YIPF4: variants seen among roughly 807,000 people sequenced by gnomAD.
YIPF4 encodes Yip1 domain family member 4, also known as protein YIPF4.
A neutral mutation model predicts 29.4 loss-of-function variants in YIPF4; 18 were observed. That is an observed-to-expected ratio of 0.61 (90% confidence interval 0.42 to 0.91). YIPF4 has a LOEUF of 0.91. Ranked by LOEUF, YIPF4 falls within the 40% of genes least tolerant of loss-of-function variation. YIPF4 has a pLI of 0.00. For synonymous variants in YIPF4, 115 were observed against 104.7 expected, an observed-to-expected ratio of 1.10 and a Z score of -0.60; for missense variants, 279 against 282.7, an observed-to-expected ratio of 0.99 and a Z score of 0.09.
intron 1 of YIPF4, among the ~76,000 whole-genome samples, chr2:32,286,153 C>A (rs1317385445): frequency 6.6e-6 from 1 of 152,108 alleles, no homozygotes; most frequent in Non-Finnish European, 1.5e-5. Context: ...GATTAAATTG[C>A]ATAGAACTAT....
Position 32,305,685 on chromosome 2 carries a change from C to T in YIPF4, c.*59C>T. On this transcript the variant is annotated 3_prime_UTR_variant, in exon 6 of 6. Transcript: ENST00000238831. The stretch of plus-strand genomic sequence containing the variant: ...TAAATTTGTGTGTAGGCTGGGAATT[C>T]TTGCTGAAGGAATTGGAGAAAACCT... 2 of 1,368,426 alleles carry T rather than the reference C, an allele frequency of 1.5e-6. No homozygotes were observed. Among genetic ancestry groups the T allele is most frequent in the South Asian group, 2.2e-5 (1 of 46,290 alleles). The allele number at this position is 1,368,426 out of a possible 1,614,324, so 84.8% of individuals were successfully genotyped here.
chr2:32,282,791 G>A (rs1351757543), intron 1 of YIPF4, among the ~76,000 whole-genome samples: 1 of 151,914 alleles, frequency 6.6e-6, no homozygotes, highest in Non-Finnish European at 1.5e-5. Flanking sequence ...GAATACCCAA[G>A]TGCAGGCCAG....
chr2:32,298,165 A>T, intron 3 of YIPF4, 69 bp from the exon 4 acceptor site: 1 of 1,233,178 alleles, frequency 8.1e-7, no homozygotes, highest in Non-Finnish European at 1.2e-6. Flanking sequence ...ATGGCAGAGA[A>T]TCGAGTTCCT....
In YIPF4 at chr2:32,278,133, G is replaced by A. The variant is rs754340793; in HGVS notation, c.-23G>A. On this transcript the variant is annotated 5_prime_UTR_variant, in exon 1 of 6. Coordinates refer to ENST00000238831, the MANE Select transcript of YIPF4 (RefSeq NM_032312.4). The stretch of plus-strand genomic sequence containing the variant: ...GCCCAGCCGCAGCCTCTTCTACCGC[G>A]GCCGGTTGGGAGTCGCCGCGAGATG... 24 of 1,543,716 alleles carry A rather than the reference G, an allele frequency of 1.6e-5. No homozygotes were observed. In the South Asian group the frequency reaches 2.5e-4, roughly 16 times the overall value.
chr2:32,278,653 A>G (rs1558471425), intron 1 of YIPF4, among the ~76,000 whole-genome samples: 1 of 151,974 alleles, frequency 6.6e-6, no homozygotes, highest in Non-Finnish European at 1.5e-5. Context: ...TCAACAGATA[A>G]TTTTTTGGGG....
chr2:32,316,490 A>C lies in YIPF4; in HGVS notation c.*10864A>C, dbSNP rs1302386608. ...ATATGATATTTCACTGATAGAGACC[A>C]GCATGACTGTCTCAATTGTTAAACT... On this transcript the variant is annotated 3_prime_UTR_variant, in exon 6 of 6. Transcript: ENST00000238831. 2.0e-5 allele frequency: 3 copies of C among 152,232 alleles called. No individual in the cohort carries two copies. Among genetic ancestry groups the C allele is most frequent in the African/African-American group, 7.2e-5 (3 of 41,464 alleles). The allele number at this position is 152,232 out of a possible 1,614,324, so 9.4% of individuals were successfully genotyped here. A position where few individuals can be genotyped will look rare whatever the true frequency, so the allele number is the denominator to read the frequency against.
In YIPF4 at chr2:32,314,594, A is replaced by T. The variant is rs2031784805; in HGVS notation, c.*8968A>T. 6.6e-6 allele frequency: 1 copy of T among 152,026 alleles called. No homozygotes were observed. The highest frequency in any genetic ancestry group is 1.5e-5 in the Non-Finnish European group (1 of 68,026). The allele number at this position is 152,026 out of a possible 1,614,324, so 9.4% of individuals were successfully genotyped here. A position where few individuals can be genotyped will look rare whatever the true frequency, so the allele number is the denominator to read the frequency against. ...AGGCTGAGACAGGAGAATCGCTTGA[A>T]CCTGGGAGGTGGAGAGTGTGGTGAG... On this transcript the variant is annotated 3_prime_UTR_variant, in exon 6 of 6. Coordinates refer to ENST00000238831, the MANE Select transcript of YIPF4 (RefSeq NM_032312.4).
intron 3 of YIPF4, 63 bp downstream of exon 3, chr2:32,292,411 T>G: frequency 2.4e-6 from 3 of 1,225,944 alleles, no homozygotes; most frequent in Non-Finnish European, 2.2e-6. Flanking sequence ...TTAAATATAA[T>G]AAGATATTAA....
intron 4 of YIPF4, among the ~76,000 whole-genome samples, chr2:32,299,182 T>G (rs1300667484): frequency 1.3e-5 from 2 of 152,190 alleles, no homozygotes; most frequent in Non-Finnish European, 2.9e-5. Context: ...CCAGAATTTA[T>G]TCTTACAGAA....
intron 5 of YIPF4, among the ~76,000 whole-genome samples, chr2:32,302,609 A>G (rs2031444328): frequency 6.6e-6 from 1 of 152,198 alleles, no homozygotes; most frequent in African/African-American, 2.4e-5. Context: ...AAGTATTAAT[A>G]AATAGTAGTG....
intron 1 of YIPF4, among the ~76,000 whole-genome samples, chr2:32,280,355 C>A (rs1298183397): frequency 6.7e-6 from 1 of 149,346 alleles, no homozygotes; most frequent in Non-Finnish European, 1.5e-5. Flanking sequence ...TGGTCTTGAT[C>A]TCCTGATCTT....
Position 32,310,885 on chromosome 2 carries a change from A to G in YIPF4, c.*5259A>G, listed in dbSNP as rs1277948873. 2 of 152,182 alleles carry G rather than the reference A, an allele frequency of 1.3e-5. No homozygotes were observed. Among genetic ancestry groups the G allele is most frequent in the Non-Finnish European group, 2.9e-5 (2 of 68,052 alleles). 9.4% of individuals were successfully genotyped at this position (152,182 alleles called of 1,614,324 possible). A position where few individuals can be genotyped will look rare whatever the true frequency, so the allele number is the denominator to read the frequency against. On this transcript the variant is annotated 3_prime_UTR_variant, in exon 6 of 6. Transcript: ENST00000238831. ...AGTGAGACCCTGTCTCAGAAAAGAAAAAAAAAGTAAAAATTGCATGTAAGT... is the reference window on the plus strand; with the variant it reads ...AGTGAGACCCTGTCTCAGAAAAGAAGAAAAAAGTAAAAATTGCATGTAAGT...
In YIPF4 at chr2:32,285,009, C is replaced by T. The variant is rs189371351; in HGVS notation, c.80-5474C>T. ...CATCTTAGAAAGAGTCTCCGGGGTA[C>T]AGTGAAGAGTATGGATTGGAAGGAG... On this transcript the variant is annotated intron_variant, in intron 1 of 5. Transcript: ENST00000238831. Among the ~76,000 whole-genome samples the T allele has an allele frequency of 1.8e-3, 281 of 152,018 alleles. 2 individuals carry two copies. Among genetic ancestry groups the T allele is most frequent in the Non-Finnish European group, 2.9e-3 (195 of 67,998 alleles).
In YIPF4 at chr2:32,306,734, G is replaced by C; in HGVS notation, c.*1108G>C. The C allele has an allele frequency of 3.0e-6, 1 of 329,934 alleles. No homozygotes were observed. Among genetic ancestry groups the C allele is most frequent in the South Asian group, 1.2e-4 (1 of 8,464 alleles). 20.4% of individuals were successfully genotyped at this position (329,934 alleles called of 1,614,324 possible). On this transcript the variant is annotated 3_prime_UTR_variant, in exon 6 of 6. Transcript: ENST00000238831. The stretch of plus-strand genomic sequence containing the variant: ...TCATAGGTTTTTAGATACACCTGTA[G>C]TTAATATTACTTTGTAAAGTAGGTA...
chr2:32,307,991 T>C lies in YIPF4; in HGVS notation c.*2365T>C, dbSNP rs2031633109. On this transcript the variant is annotated 3_prime_UTR_variant, in exon 6 of 6. Coordinates refer to ENST00000238831, the MANE Select transcript of YIPF4 (RefSeq NM_032312.4). ...AGATGTGTGCAAGACACAGTACTGC[T>C]ATGGCTAATAATGGTAAGATGACCC... 1 of 149,110 alleles carries C rather than the reference T, an allele frequency of 6.7e-6. No individual in the cohort carries two copies. Among genetic ancestry groups the C allele is most frequent in the African/African-American group, 2.5e-5 (1 of 40,354 alleles). The allele number at this position is 149,110 out of a possible 1,614,324, so 9.2% of individuals were successfully genotyped here. A position where few individuals can be genotyped will look rare whatever the true frequency, so the allele number is the denominator to read the frequency against.
At chr2:32,289,347 C>G (rs1187820176) in intron 1 of YIPF4, among the ~76,000 whole-genome samples, 1 of 152,108 alleles carries the variant, frequency 6.6e-6, no homozygotes, top group Non-Finnish European at 1.5e-5. Context: ...CATAAGCCGA[C>G]CAGGATGTGA....
In YIPF4 at chr2:32,278,045, G is replaced by T. The variant is rs1254176652; in HGVS notation, c.-111G>T. On this transcript the variant is annotated 5_prime_UTR_variant, in exon 1 of 6. Coordinates refer to ENST00000238831, the MANE Select transcript of YIPF4 (RefSeq NM_032312.4). The stretch of plus-strand genomic sequence containing the variant: ...GCCTCGCTCGCAGCTTGCACGTCGA[G>T]ACTCGTAGGCCGCACCGTAGGGCGA... 3 of 913,662 alleles carry T rather than the reference G, an allele frequency of 3.3e-6. No homozygotes were observed. The highest frequency in any genetic ancestry group is 1.8e-5 in the South Asian group (1 of 55,760). The allele number at this position is 913,662 out of a possible 1,614,324, so 56.6% of individuals were successfully genotyped here.
rs529613149 is a variant in YIPF4 at position 32,315,101 on chromosome 2, C to T, written c.*9475C>T. The T allele has an allele frequency of 1.3e-5, 2 of 152,324 alleles. No homozygotes were observed. Among genetic ancestry groups the T allele is most frequent in the African/African-American group, 2.4e-5 (1 of 41,574 alleles). 9.4% of individuals were successfully genotyped at this position (152,324 alleles called of 1,614,324 possible). A position where few individuals can be genotyped will look rare whatever the true frequency, so the allele number is the denominator to read the frequency against. ...CTCAAGGTCCATTTATTGCTCTATTCTGCCATCTTTGGTGAGTGGCTTTCA... is the reference window on the plus strand; with the variant it reads ...CTCAAGGTCCATTTATTGCTCTATTTTGCCATCTTTGGTGAGTGGCTTTCA... On this transcript the variant is annotated 3_prime_UTR_variant, in exon 6 of 6. Coordinates refer to ENST00000238831, the MANE Select transcript of YIPF4 (RefSeq NM_032312.4).
chr2:32,278,404 AG>A (rs1192381251), intron 1 of YIPF4, among the ~76,000 whole-genome samples, 170 bp downstream of exon 1: 1 of 152,100 alleles, frequency 6.6e-6, no homozygotes, highest in Non-Finnish European at 1.5e-5. Context: ...CGAAGGACGG[AG>A]GGAGGGGTGT....
Sources: allele counts gnomAD v4.1 joint callset (sites outside exome capture counted in the v4.1 genomes callset), GRCh38; gene constraint gnomAD v4.1.1; transcripts MANE v1.5; gene names NCBI Gene and HGNC (gene_info 2026-07-23, HGNC 2026-07-21).